Variants in GRM7 observed in about 807,000 individuals in gnomAD.
GRM7 encodes glutamate metabotropic receptor 7, also known as metabotropic glutamate receptor 7.
GRM7 carries 35 observed loss-of-function variants against 84.5 expected under a neutral mutation model. That is an observed-to-expected ratio of 0.41 (90% confidence interval 0.32 to 0.55). The LOEUF is 0.55. GRM7 is among the 20% of genes least tolerant of loss of function. The pLI, the probability that GRM7 is intolerant of heterozygous loss-of-function variation, is 0.19. For synonymous variants in GRM7, 487 were observed against 455.1 expected, an observed-to-expected ratio of 1.07 and a Z score of -0.89; for missense variants, 1,003 against 1,194.6, an observed-to-expected ratio of 0.84 and a Z score of 2.36.
At chr3:7,303,871 A>G (rs1286540711) in intron 3 of GRM7, among the ~76,000 whole-genome samples, 2 of 148,900 alleles carry the variant, frequency 1.3e-5, no homozygotes, top group Non-Finnish European at 1.5e-5. Flanking sequence ...TTTTTTCTGG[A>G]CCCTAACTGA....
intron 4 of GRM7, among the ~76,000 whole-genome samples, chr3:7,395,703 C>T (rs1038579300): frequency 6.6e-6 from 1 of 152,162 alleles, no homozygotes; most frequent in African/African-American, 2.4e-5. Context: ...TATGACTTTG[C>T]TTCTTATTCG....
At chr3:7,740,258 C>A in intron 9 of GRM7, 99 bp from the exon 10 acceptor site, 2 of 759,058 alleles carry the variant, frequency 2.6e-6, no homozygotes, top group African/African-American at 1.8e-5. Flanking sequence ...TGTATCACCT[C>A]ACTTTGACTT....
At chr3:7,305,316 T>G (rs1173386847) in intron 3 of GRM7, among the ~76,000 whole-genome samples, 9 of 151,432 alleles carry the variant, frequency 5.9e-5, no homozygotes, top group Non-Finnish European at 1.0e-4. Context: ...CAGAACCTAT[T>G]TCCTATGCTG....
At chr3:7,060,386 A>C (rs1697395267) in intron 1 of GRM7, among the ~76,000 whole-genome samples, 1 of 151,746 alleles carries the variant, frequency 6.6e-6, no homozygotes, top group Non-Finnish European at 1.5e-5. Flanking sequence ...TCACTGACTG[A>C]GTAGGGGCAG....
chr3:7,676,764 A>G (rs1700138675), intron 8 of GRM7, among the ~76,000 whole-genome samples: 1 of 152,142 alleles, frequency 6.6e-6, no homozygotes, highest in Admixed American at 6.5e-5. Context: ...CTGTGTTACA[A>G]TTGCCCACAG....
chr3:7,183,611 C>A (rs1284061450), intron 2 of GRM7, among the ~76,000 whole-genome samples: 2 of 151,934 alleles, frequency 1.3e-5, no homozygotes, highest in Admixed American at 1.3e-4. Flanking sequence ...TGGGTGACAG[C>A]AAGACTCCAT....
chr3:7,346,265 C>T (rs189495547), intron 4 of GRM7, among the ~76,000 whole-genome samples: 12 of 152,220 alleles, frequency 7.9e-5, no homozygotes, highest in African/African-American at 2.4e-4. Flanking sequence ...GTTACCAGCT[C>T]ACCAATTTGA....
At position 7,685,895 on chromosome 3, in the gene GRM7, G is replaced by A. The variant is rs555371082; in HGVS notation, c.2698+5600G>A. On this transcript the variant is annotated intron_variant, in intron 9 of 9. Transcript: ENST00000357716. ...CTAGAAAATTCTAGAACACACTTCTGTGCTGTGTTAATTTGTTATGGTTCT... is the reference window on the plus strand; with the variant it reads ...CTAGAAAATTCTAGAACACACTTCTATGCTGTGTTAATTTGTTATGGTTCT... Among the ~76,000 whole-genome samples the A allele has an allele frequency of 1.1e-4, 17 of 152,096 alleles. No individual in the cohort carries two copies. The East Asian group carries it at 3.1e-3, about 28-fold the overall frequency.
At chr3:7,462,414 C>G (rs1300118684) in intron 7 of GRM7, among the ~76,000 whole-genome samples, 1 of 152,200 alleles carries the variant, frequency 6.6e-6, no homozygotes, top group Non-Finnish European at 1.5e-5. Context: ...CCAGAAACCT[C>G]ACAGACACAC....
chr3:6,892,408 G>C (rs1393278123), intron 1 of GRM7, among the ~76,000 whole-genome samples: 1 of 152,040 alleles, frequency 6.6e-6, no homozygotes, highest in Non-Finnish European at 1.5e-5. Flanking sequence ...CCTAAGTTCT[G>C]GTTCTTTAGT....
intron 1 of GRM7, among the ~76,000 whole-genome samples, chr3:7,118,746 C>T (rs994191555): frequency 6.6e-6 from 1 of 151,952 alleles, no homozygotes; most frequent in Non-Finnish European, 1.5e-5. Context: ...CCTCTGGAAA[C>T]TTCCTACAGA....
intron 2 of GRM7, among the ~76,000 whole-genome samples, chr3:7,298,228 A>G (rs1699877296): frequency 6.6e-6 from 1 of 152,128 alleles, no homozygotes; most frequent in Non-Finnish European, 1.5e-5. Context: ...AAAAATAGAG[A>G]TGGGTATAAA....
At chr3:7,677,028 G>A (rs971714797) in intron 8 of GRM7, among the ~76,000 whole-genome samples, 28 of 151,938 alleles carry the variant, frequency 1.8e-4, no homozygotes, top group African/African-American at 4.6e-4. Flanking sequence ...TTGGGAGGCC[G>A]AGGCAGGAGG....
chr3:6,932,756 T>G lies in GRM7; in HGVS notation c.519+70849T>G, dbSNP rs531266295. On this transcript the variant is annotated intron_variant, in intron 1 of 9. Transcript: ENST00000357716. ...TAATGTTTTCTTCTTTCTCTCTTTT[T>G]TTTTTTTTTTTTTTTTGAGACAGAG... Among the ~76,000 whole-genome samples, 34 of 142,696 alleles carry G rather than the reference T, an allele frequency of 2.4e-4. 2 individuals are homozygous for G. The East Asian group carries it at 6.6e-3, about 28-fold the overall frequency. The allele number at this position is 142,696 out of a possible 152,430, so 93.6% of individuals were successfully genotyped here.
intron 1 of GRM7, among the ~76,000 whole-genome samples, chr3:7,079,186 C>T (rs531191694): frequency 6.6e-6 from 1 of 152,168 alleles, no homozygotes; most frequent in African/African-American, 2.4e-5. Flanking sequence ...ATTAGAATAC[C>T]TCTTTTTTCT....
chr3:7,691,371 A>G (rs1700794514), intron 9 of GRM7: 1 of 667,910 alleles, frequency 1.5e-6, no homozygotes. Flanking sequence ...GGCATGTGCT[A>G]TCTTTTTCTC....
At chr3:7,201,559 A>C (rs1233410257) in intron 2 of GRM7, among the ~76,000 whole-genome samples, 1 of 152,180 alleles carries the variant, frequency 6.6e-6, no homozygotes. Flanking sequence ...GCTGATAGTA[A>C]TGGCCATTGC....
chr3:7,132,307 A>G (rs985325377), intron 1 of GRM7, among the ~76,000 whole-genome samples: 1 of 152,222 alleles, frequency 6.6e-6, no homozygotes, highest in Admixed American at 6.5e-5. Flanking sequence ...GGTATGTAAC[A>G]AAACATAAAT....
intron 7 of GRM7, among the ~76,000 whole-genome samples, chr3:7,534,842 A>G (rs1221050211): frequency 2.6e-5 from 4 of 152,338 alleles, no homozygotes; most frequent in East Asian, 3.9e-4. Flanking sequence ...AATCTTTGGC[A>G]ATAGAAAAAC....
Sources: gnomAD v4.1 joint callset for allele counts (sites outside exome capture counted in the v4.1 genomes callset) on GRCh38, gnomAD v4.1.1 for gene constraint, MANE v1.5 for transcripts, NCBI Gene and HGNC (gene_info 2026-07-23, HGNC 2026-07-21) for gene names.